Variants in TYMS observed in about 807,000 individuals in gnomAD.
TYMS encodes the protein thymidylate synthase.
A neutral mutation model predicts 39.3 loss-of-function variants in TYMS; 21 were observed. The observed-to-expected ratio is 0.54, with a 90% CI of 0.38 to 0.77. TYMS has a LOEUF of 0.77. Among genes scored for constraint, TYMS ranks in the 30% least tolerant of loss-of-function variants. The pLI is 0.00. For missense variants in TYMS, 273 were observed against 406.7 expected, an observed-to-expected ratio of 0.67 and a Z score of 2.83; for synonymous variants, 171 against 162.2, an observed-to-expected ratio of 1.05 and a Z score of -0.41.
intron 2 of TYMS, 75 bp from the exon 3 acceptor site, chr18:662,071 G>A: frequency 6.9e-7 from 1 of 1,458,782 alleles, no homozygotes; most frequent in Admixed American, 2.3e-5. Context: ...CCTTGTAAGT[G>A]GTGTCTCGGG....
At chr18:672,753 A>T in intron 6 of TYMS, 107 bp from the exon 7 acceptor site, 1 of 1,304,368 alleles carries the variant, frequency 7.7e-7, no homozygotes, top group South Asian at 1.8e-5. Flanking sequence ...ACTCCTGTAA[A>T]ATAGAACTTT....
chr18:664,634 G>C (rs11872105), intron 3 of TYMS, among the ~76,000 whole-genome samples: 70,421 of 135,692 alleles, frequency 0.52, 19,551 homozygotes, highest in African/African-American at 0.75. Context: ...TGCCCATTCA[G>C]TATGATATTG....
intron 5 of TYMS, chr18:671,167 G>C: frequency 1.6e-6 from 1 of 611,850 alleles, no homozygotes; most frequent in Non-Finnish European, 2.9e-6. Flanking sequence ...AGCACTTTGG[G>C]AGACTGAGAC....
Position 657,839 on chromosome 18 carries a change from T to C in TYMS, c.97T>C (p.Tyr33His). Reference protein sequence around the residue: ...EPRPPHGELQYLGQIQHILRC... With the variant: ...EPRPPHGELQHLGQIQHILRC... The stretch of plus-strand genomic sequence containing the variant: ...GCGTCCGCCGCACGGGGAGCTGCAG[T>C]ACCTGGGGCAGATCCAACACATCCT... Residue 33 changes from tyrosine to histidine, a missense_variant, in exon 1 of 7, where the codon TAC (tyrosine) becomes CAC (histidine). Physicochemically the swap from Tyr to His is moderately conservative, Grantham distance 83. Around this residue, in one of 3 missense-constraint regions of TYMS, gnomAD observed 228 missense variants for 326.1 expected, o/e 0.70. Transcript: ENST00000323274. The C allele has an allele frequency of 6.7e-7, 1 of 1,484,626 alleles. No individual in the cohort carries two copies. Among genetic ancestry groups the C allele is most frequent in the African/African-American group, 1.5e-5 (1 of 67,712 alleles). 92.0% of individuals were successfully genotyped at this position (1,484,626 alleles called of 1,614,324 possible).
intron 3 of TYMS, among the ~76,000 whole-genome samples, chr18:668,755 A>C (rs749381949): frequency 2.6e-5 from 4 of 152,224 alleles, no homozygotes; most frequent in Admixed American, 6.5e-5. Context: ...GAAGAAATTA[A>C]GATTGTTGAG....
Position 659,727 on chromosome 18 carries a change from C to G in TYMS, c.279+13C>G. On this transcript the variant is annotated intron_variant, in intron 2 of 6. Coordinates refer to ENST00000323274, the MANE Select transcript of TYMS (RefSeq NM_001071.4). ...GTGGTTTATCAAGGTAAAGAAGTCG[C>G]TGCTATTAGAAGTCAGTAGTCTGTT... is the stretch of plus-strand genomic sequence containing the variant. The G allele has an allele frequency of 6.2e-7, 1 of 1,608,910 alleles. No individual in the cohort carries two copies. The highest frequency in any genetic ancestry group is 8.5e-7 in the Non-Finnish European group (1 of 1,175,164).
Position 672,802 on chromosome 18 carries a change from G to A in TYMS, c.805-58G>A, listed in dbSNP as rs1000938745. On this transcript the variant is annotated intron_variant, in intron 6 of 6. Coordinates refer to ENST00000323274, the MANE Select transcript of TYMS (RefSeq NM_001071.4). The stretch of plus-strand genomic sequence containing the variant: ...TGTGTACTTGTTTCACGGACATGAG[G>A]AGCAATTACAACAGGTCGTACAATT... 4.0e-6 allele frequency: 6 copies of A among 1,508,926 alleles called. No homozygotes were observed. In the African/African-American group the frequency reaches 4.1e-5, roughly 10 times the overall value. 93.5% of individuals were successfully genotyped at this position (1,508,926 alleles called of 1,614,324 possible).
chr18:668,045 A>G (rs2074891637), intron 3 of TYMS, among the ~76,000 whole-genome samples: 1 of 133,546 alleles, frequency 7.5e-6, no homozygotes. Context: ...CACACTACCC[A>G]GTTTCCCCCA....
intron 2 of TYMS, among the ~76,000 whole-genome samples, chr18:661,697 G>C (rs931636925): frequency 4.6e-5 from 7 of 152,224 alleles, no homozygotes; most frequent in African/African-American, 1.7e-4. Flanking sequence ...TTAAAGATAG[G>C]ATGGGCAGCT....
At position 658,205 on chromosome 18, in the gene TYMS, G is replaced by T; in HGVS notation, c.205+258G>T. 1 of 1,527,572 alleles carries T rather than the reference G, an allele frequency of 6.5e-7. No individual in the cohort carries two copies. The allele number at this position is 1,527,572 out of a possible 1,614,324, so 94.6% of individuals were successfully genotyped here. A position where few individuals can be genotyped will look rare whatever the true frequency, so the allele number is the denominator to read the frequency against. On this transcript the variant is annotated intron_variant, in intron 1 of 6. Coordinates refer to ENST00000323274, the MANE Select transcript of TYMS (RefSeq NM_001071.4). This position sits in a 1 kb window ranked among gnomAD's most constrained non-coding sequence, Gnocchi z 4.5. ...TCCCAGCGGCTCCGCGGCCGGGCTC[G>T]CAGTCGCCCCAGTGATGCCGTGGCC... is the stretch of plus-strand genomic sequence containing the variant.
chr18:670,955 G>C, intron 5 of TYMS, 88 bp downstream of exon 5: 3 of 1,452,972 alleles, frequency 2.1e-6, no homozygotes, highest in South Asian at 1.3e-5. Context: ...GCAGAGTTTA[G>C]TCTCTGATTA....
In TYMS at chr18:657,754, C is replaced by G; in HGVS notation, c.12C>G (p.Ala4=). The G allele has an allele frequency of 7.1e-7, 1 of 1,410,608 alleles. No individual in the cohort carries two copies. Among genetic ancestry groups the G allele is most frequent in the South Asian group, 1.5e-5 (1 of 64,572 alleles). The allele number at this position is 1,410,608 out of a possible 1,614,324, so 87.4% of individuals were successfully genotyped here. The part of the protein sequence containing the change: MPV[A]GSELPRRPLP... Reference sequence around the variant, plus strand: ...CCGCCCGCCGCGCCATGCCTGTGGCCGGCTCGGAGCTGCCGCGCCGGCCCT... The same window carrying G: ...CCGCCCGCCGCGCCATGCCTGTGGCGGGCTCGGAGCTGCCGCGCCGGCCCT... The change falls in exon 1 of 7, where the codon GCC becomes GCG. Residue 4 remains alanine (A), a synonymous_variant. Transcript: ENST00000323274.
chr18:666,610 G>A (rs994660348), intron 3 of TYMS, among the ~76,000 whole-genome samples: 1 of 152,214 alleles, frequency 6.6e-6, no homozygotes, highest in Non-Finnish European at 1.5e-5. Context: ...CATCTAAGGG[G>A]ACAGTCACAT....
At chr18:671,070 C>G in intron 5 of TYMS, 1 of 643,956 alleles carries the variant, frequency 1.6e-6, no homozygotes, top group South Asian at 2.0e-5. Flanking sequence ...ACTAACAGAT[C>G]TATACAGGTT....
intron 3 of TYMS, among the ~76,000 whole-genome samples, chr18:663,478 C>T (rs2074776956): frequency 1.0e-5 from 1 of 99,042 alleles, no homozygotes; most frequent in Non-Finnish European, 1.9e-5. Flanking sequence ...CCTGTTCACT[C>T]TGATGGTAGT....
chr18:673,241 G>A lies in TYMS; in HGVS notation c.*244G>A, dbSNP rs2075149782. 2.9e-6 allele frequency: 1 copy of A among 347,826 alleles called. No homozygotes were observed. Among genetic ancestry groups the A allele is most frequent in the Non-Finnish European group, 5.2e-6 (1 of 192,544 alleles). 21.5% of individuals were successfully genotyped at this position (347,826 alleles called of 1,614,324 possible). ...TGACAATGCTGAGGTTATGAACAAA[G>A]TGAGGAGAATGAAATGTATGTGCTC... On this transcript the variant is annotated 3_prime_UTR_variant, in exon 7 of 7. Coordinates refer to ENST00000323274, the MANE Select transcript of TYMS (RefSeq NM_001071.4).
Position 658,891 on chromosome 18 carries a change from G to T in TYMS, c.206-750G>T, listed in dbSNP as rs2074725188. On this transcript the variant is annotated intron_variant, in intron 1 of 6. Coordinates refer to ENST00000323274, the MANE Select transcript of TYMS (RefSeq NM_001071.4). This position sits in a 1 kb window ranked among gnomAD's most constrained non-coding sequence, Gnocchi z 4.5. ...CTAGCGGAAAAGCCCTCCGGCCCACGGACCCATCTAGAGACGAATACATAG... is the reference window on the plus strand; with the variant it reads ...CTAGCGGAAAAGCCCTCCGGCCCACTGACCCATCTAGAGACGAATACATAG... 1 of 162,046 alleles carries T rather than the reference G, an allele frequency of 6.2e-6. No individual in the cohort carries two copies. Among genetic ancestry groups the T allele is most frequent in the Admixed American group, 6.1e-5 (1 of 16,264 alleles). The allele number at this position is 162,046 out of a possible 1,614,324, so 10.0% of individuals were successfully genotyped here.
intron 3 of TYMS, among the ~76,000 whole-genome samples, 182 bp downstream of exon 3, chr18:662,502 C>CTTT: frequency 8.1e-6 from 1 of 122,904 alleles, no homozygotes; most frequent in South Asian, 2.8e-4. Context: ...CCGTTTCACA[C>CTTT]TCTTTTTTTT....
In TYMS at chr18:657,684, TGGCCTGCCTCCGTCCCGCCGCGC is replaced by T; in HGVS notation, c.-58_-36del. The T allele has an allele frequency of 8.2e-7, 1 of 1,212,930 alleles. No individual in the cohort carries two copies. The highest frequency in any genetic ancestry group is 1.1e-6 in the Non-Finnish European group (1 of 948,070). 75.1% of individuals were successfully genotyped at this position (1,212,930 alleles called of 1,614,324 possible). On this transcript the variant is annotated 5_prime_UTR_variant, in exon 1 of 7. Coordinates refer to ENST00000323274, the MANE Select transcript of TYMS (RefSeq NM_001071.4). ...CCTGCCTCCGTCCCGCCGCGCCACT[TGGCCTGCCTCCGTCCCGCCGCGC>T]CACTTCGCCTGCCTCCGTCCCCCGC... is the stretch of plus-strand genomic sequence containing the variant.
Sources: gnomAD v4.1 joint callset for allele counts (sites outside exome capture counted in the v4.1 genomes callset) on GRCh38, gnomAD v4.1.1 for gene constraint, gnomAD v4.1.1 regional missense constraint, Gnocchi (gnomAD v3.1) non-coding constraint, MANE v1.5 for transcripts, NCBI Gene and HGNC (gene_info 2026-07-23, HGNC 2026-07-21) for gene names.